Variants in CSMD1 observed in about 807,000 individuals in gnomAD.
The protein encoded by CSMD1 is CUB and Sushi multiple domains 1, also known as CUB and sushi domain-containing protein 1.
In CSMD1, 213 loss-of-function variants were observed where a neutral mutation model predicts 417.5. That is an observed-to-expected ratio of 0.51 (90% CI 0.46 to 0.57). The LOEUF (loss-of-function observed/expected upper bound fraction) is 0.57. Ranked by LOEUF, CSMD1 falls within the 20% of genes least tolerant of loss-of-function variation. The probability of loss-of-function intolerance (pLI) is 0.00; values close to 1 mark genes in which losing one functional copy is unlikely to be tolerated. For synonymous variants in CSMD1, 2,862 were observed against 1,736.8 expected (o/e 1.65, Z -16.11); for missense variants, 6,923 against 4,529.7 (o/e 1.53, Z -15.17).
At chr8:4,181,925 C>T (rs2552105) in intron 3 of CSMD1, among the ~76,000 whole-genome samples, 148,880 of 152,158 alleles carry the variant, frequency 0.98, 72,908 homozygotes, top group East Asian at 1. Flanking sequence ...GTACTTAGTA[C>T]TTTGCTAGGT....
chr8:3,354,464 A>T (rs1808610218), intron 21 of CSMD1, among the ~76,000 whole-genome samples: 1 of 141,606 alleles, frequency 7.1e-6, no homozygotes. Flanking sequence ...AAACAGAAAC[A>T]GAAAGTCTAC....
chr8:4,127,111 T>G (rs1802810050), intron 3 of CSMD1, among the ~76,000 whole-genome samples: 1 of 152,092 alleles, frequency 6.6e-6, no homozygotes. Context: ...GTTATCTGAT[T>G]CACCCAGAGA....
intron 50 of CSMD1, among the ~76,000 whole-genome samples, chr8:3,033,854 A>T (rs963639940): frequency 2.6e-5 from 4 of 152,244 alleles, no homozygotes; most frequent in African/African-American, 9.6e-5. Context: ...CTACACAGTG[A>T]ACTGCAACCT....
intron 4 of CSMD1, among the ~76,000 whole-genome samples, chr8:4,005,591 T>C (rs1816047548): frequency 6.6e-6 from 1 of 152,212 alleles, no homozygotes; most frequent in African/African-American, 2.4e-5. Context: ...CCACATGGTA[T>C]TATAAGGTTT....
At chr8:4,777,935 G>A (rs1222490624) in intron 1 of CSMD1, among the ~76,000 whole-genome samples, 3 of 152,118 alleles carry the variant, frequency 2.0e-5, no homozygotes, top group Admixed American at 2.0e-4. Context: ...CTATAATACG[G>A]TTGTAGTAGG....
At chr8:3,941,475 G>T (rs1031984307) in intron 5 of CSMD1, among the ~76,000 whole-genome samples, 1 of 152,068 alleles carries the variant, frequency 6.6e-6, no homozygotes, top group Non-Finnish European at 1.5e-5. Context: ...CCTATTAAAT[G>T]CATCCTCAAG....
chr8:4,120,035 A>T (rs1169643505), intron 3 of CSMD1, among the ~76,000 whole-genome samples: 1 of 152,238 alleles, frequency 6.6e-6, no homozygotes. Flanking sequence ...ATTTAATTGC[A>T]CATTTAAAAA....
intron 10 of CSMD1, among the ~76,000 whole-genome samples, chr8:3,520,595 C>G (rs1290480162): frequency 6.6e-6 from 1 of 152,174 alleles, no homozygotes; most frequent in Non-Finnish European, 1.5e-5. Context: ...TCACAGACAA[C>G]ACCATTTACT....
chr8:4,079,260 A>C (rs1275500513), intron 3 of CSMD1, among the ~76,000 whole-genome samples: 2 of 152,140 alleles, frequency 1.3e-5, no homozygotes, highest in Non-Finnish European at 2.9e-5. Flanking sequence ...ATGGAGAATA[A>C]AGTATAGGAG....
chr8:4,925,840 C>A (rs149366857), intron 1 of CSMD1, among the ~76,000 whole-genome samples: 1 of 152,300 alleles, frequency 6.6e-6, no homozygotes, highest in African/African-American at 2.4e-5. Flanking sequence ...AGCCCTCGCG[C>A]CTGGCCTCTA....
At chr8:4,585,615 A>C (rs573231405) in intron 2 of CSMD1, among the ~76,000 whole-genome samples, 19 of 152,200 alleles carry the variant, frequency 1.2e-4, no homozygotes, top group Non-Finnish European at 2.6e-4. Context: ...GAAAAATTTT[A>C]ATCATAGAAA....
At chr8:3,213,940 G>A (rs1173990682) in intron 30 of CSMD1, among the ~76,000 whole-genome samples, 2 of 151,734 alleles carry the variant, frequency 1.3e-5, no homozygotes, top group East Asian at 3.9e-4. Flanking sequence ...TCACTGCCCA[G>A]GTTCAAGCGA....
chr8:3,103,987 C>A (rs1214680143), intron 46 of CSMD1, among the ~76,000 whole-genome samples: 1 of 152,086 alleles, frequency 6.6e-6, no homozygotes, highest in Non-Finnish European at 1.5e-5. Context: ...AGGTGATCTG[C>A]CCACCTCGGC....
chr8:4,896,529 C>T (rs141773558), intron 1 of CSMD1, among the ~76,000 whole-genome samples: 4 of 152,244 alleles, frequency 2.6e-5, no homozygotes, highest in African/African-American at 7.2e-5. Context: ...CTGCTCTTTG[C>T]TTCATGTCTT....
chr8:3,222,516 G>A (rs1438642449), intron 28 of CSMD1, among the ~76,000 whole-genome samples: 3 of 152,008 alleles, frequency 2.0e-5, no homozygotes, highest in Non-Finnish European at 2.9e-5. Flanking sequence ...TTGCTGTGTT[G>A]CCCAGGCTGG....
At chr8:3,314,827 A>G (rs111636955) in intron 23 of CSMD1, among the ~76,000 whole-genome samples, 1,959 of 152,328 alleles carry the variant, frequency 0.013, 40 homozygotes, top group African/African-American at 0.044. Context: ...TATCTTCCAA[A>G]TAAAGCACTT....
At chr8:2,948,047 T>G (rs1271956869) in intron 68 of CSMD1, among the ~76,000 whole-genome samples, 1 of 152,012 alleles carries the variant, frequency 6.6e-6, no homozygotes, top group Admixed American at 6.6e-5. Context: ...ACACTCACAT[T>G]CCTCCAAAAG....
At chr8:4,245,372 G>C (rs1252518796) in intron 3 of CSMD1, among the ~76,000 whole-genome samples, 1 of 152,136 alleles carries the variant, frequency 6.6e-6, no homozygotes, top group Non-Finnish European at 1.5e-5. Context: ...CAAGTACCCA[G>C]CCTGCCTTTT....
At chr8:3,398,780 T>A (rs996554868) in intron 16 of CSMD1, among the ~76,000 whole-genome samples, 1 of 152,210 alleles carries the variant, frequency 6.6e-6, no homozygotes, top group African/African-American at 2.4e-5. Flanking sequence ...ACCCTTCTTA[T>A]ATAGAACTCC....
Sources: gnomAD v4.1 joint callset for allele counts (sites outside exome capture counted in the v4.1 genomes callset) on GRCh38, gnomAD v4.1.1 for gene constraint, MANE v1.5 for transcripts, NCBI Gene and HGNC (gene_info 2026-07-23, HGNC 2026-07-21) for gene names.